Variants in RARB observed in about 807,000 individuals in gnomAD.
RARB encodes retinoic acid receptor beta, also known as HBV-activated protein.
RARB carries 17 observed loss-of-function variants against 51.9 expected under a neutral mutation model. The ratio of observed to expected loss-of-function variants is 0.33; its 90% CI spans 0.22 to 0.49. RARB has a LOEUF of 0.49. RARB is among the 20% of genes least tolerant of loss of function. RARB has a pLI of 0.99. For synonymous variants in RARB, 215 were observed against 195.4 expected (o/e 1.10, Z -0.84); for missense variants, 369 against 550.8 (o/e 0.67, Z 3.30).
At chr3:25,336,265 T>G (rs190163934) in intron 5 of RARB, among the ~76,000 whole-genome samples, 199 of 152,324 alleles carry the variant, frequency 1.3e-3, no homozygotes, top group African/African-American at 4.6e-3. Flanking sequence ...CACCTTTTCT[T>G]TTAGAGATAT....
chr3:25,170,824 G>T (rs1700631939), intron 4 of RARB, among the ~76,000 whole-genome samples: 1 of 151,968 alleles, frequency 6.6e-6, no homozygotes, highest in East Asian at 1.9e-4. Flanking sequence ...AAATTATTTT[G>T]TTAATAAGAT....
At chr3:25,365,363 C>T (rs1246587135) in intron 5 of RARB, among the ~76,000 whole-genome samples, 5 of 151,854 alleles carry the variant, frequency 3.3e-5, no homozygotes, top group Non-Finnish European at 5.9e-5. Flanking sequence ...CCTCCTGCCT[C>T]GGCCTCTCAA....
At chr3:24,917,245 C>A (rs1002135083) in intron 2 of RARB, among the ~76,000 whole-genome samples, 7 of 152,012 alleles carry the variant, frequency 4.6e-5, no homozygotes, top group Non-Finnish European at 1.0e-4. Flanking sequence ...TAGAAAAAAA[C>A]TTCATGACCT....
intron 2 of RARB, among the ~76,000 whole-genome samples, chr3:24,873,071 T>G (rs1702977075): frequency 6.6e-6 from 1 of 152,216 alleles, no homozygotes; most frequent in African/African-American, 2.4e-5. Context: ...AGACAATACA[T>G]TTTTTAAAAA....
chr3:25,056,678 A>G (rs762322530), intron 2 of RARB, among the ~76,000 whole-genome samples: 24 of 152,126 alleles, frequency 1.6e-4, no homozygotes, highest in African/African-American at 2.7e-4. Context: ...ATGTATCTCA[A>G]TGTATCATAT....
chr3:25,533,764 T>A (rs1699021142), intron 3 of RARB, among the ~76,000 whole-genome samples: 1 of 152,206 alleles, frequency 6.6e-6, no homozygotes, highest in Non-Finnish European at 1.5e-5. Flanking sequence ...AAGTTTAAGT[T>A]TAAAGCAGGG....
chr3:24,984,504 T>G (rs1696745321), intron 2 of RARB, among the ~76,000 whole-genome samples: 1 of 152,214 alleles, frequency 6.6e-6, no homozygotes, highest in South Asian at 2.1e-4. Flanking sequence ...ATTCTTTAAA[T>G]TATTTCTTTT....
chr3:25,101,324 A>T (rs1225951577), intron 3 of RARB, among the ~76,000 whole-genome samples: 1 of 152,212 alleles, frequency 6.6e-6, no homozygotes, highest in African/African-American at 2.4e-5. Flanking sequence ...GAAAAGAAAA[A>T]AAGTAATAAA....
chr3:25,508,566 T>C (rs1482467369), intron 3 of RARB, among the ~76,000 whole-genome samples: 1 of 152,308 alleles, frequency 6.6e-6, no homozygotes, highest in Admixed American at 6.5e-5. Flanking sequence ...GTTGGGAAAT[T>C]ACATAAAAAT....
intron 5 of RARB, among the ~76,000 whole-genome samples, chr3:25,316,699 A>G (rs549925635): frequency 1.3e-5 from 2 of 152,348 alleles, no homozygotes; most frequent in South Asian, 4.1e-4. Flanking sequence ...GTTGACAGTA[A>G]AAGGAAAAGA....
At chr3:24,988,591 T>A (rs975200955) in intron 2 of RARB, among the ~76,000 whole-genome samples, 7 of 151,858 alleles carry the variant, frequency 4.6e-5, no homozygotes, top group Admixed American at 1.3e-4. Flanking sequence ...GTATAGATTA[T>A]AAAAAAAATA....
chr3:25,336,531 A>G (rs1199609637), intron 5 of RARB, among the ~76,000 whole-genome samples: 1 of 152,178 alleles, frequency 6.6e-6, no homozygotes, highest in African/African-American at 2.4e-5. Context: ...ACTTCTCTGT[A>G]ACACAACTTC....
At chr3:24,975,746 T>C (rs550439208) in intron 2 of RARB, among the ~76,000 whole-genome samples, 47 of 150,808 alleles carry the variant, frequency 3.1e-4, no homozygotes, top group East Asian at 1.2e-3. Flanking sequence ...TAAATTTTCT[T>C]CTTTTTTGGG....
chr3:25,270,813 G>A (rs897679070), intron 5 of RARB, among the ~76,000 whole-genome samples: 2 of 152,198 alleles, frequency 1.3e-5, no homozygotes, highest in African/African-American at 2.4e-5. Flanking sequence ...GTAACAGGTT[G>A]GTGCAAAGGT....
intron 2 of RARB, among the ~76,000 whole-genome samples, chr3:24,998,051 T>C (rs140423823): frequency 9.2e-5 from 14 of 152,310 alleles, no homozygotes; most frequent in Admixed American, 9.2e-4. Flanking sequence ...TACATTCTTT[T>C]GGGTTTTATA....
chr3:25,460,391 G>A (rs577481520), intron 1 of RARB, among the ~76,000 whole-genome samples: 1 of 151,314 alleles, frequency 6.6e-6, no homozygotes, highest in East Asian at 1.9e-4. Flanking sequence ...AATAATTTGG[G>A]CATTTTCTTC....
chr3:25,510,372 C>G (rs1352044215), intron 3 of RARB, among the ~76,000 whole-genome samples: 1 of 152,162 alleles, frequency 6.6e-6, no homozygotes, highest in African/African-American at 2.4e-5. Flanking sequence ...ACCTGTAATC[C>G]CAGCACTTTG....
chr3:24,988,075 G>A (rs1209712280), intron 2 of RARB, among the ~76,000 whole-genome samples: 1 of 152,024 alleles, frequency 6.6e-6, no homozygotes, highest in Admixed American at 6.5e-5. Context: ...TGAAACGCTT[G>A]CTAGATGTAA....
chr3:25,358,903 G>A (rs548707593), intron 5 of RARB, among the ~76,000 whole-genome samples: 104 of 151,690 alleles, frequency 6.9e-4, no homozygotes, highest in African/African-American at 2.0e-3. Context: ...GAGGATTTTC[G>A]CATTGATGTT....
Sources: gnomAD v4.1 joint callset for allele counts (sites outside exome capture counted in the v4.1 genomes callset) on GRCh38, gnomAD v4.1.1 for gene constraint, MANE v1.5 for transcripts, NCBI Gene and HGNC (gene_info 2026-07-23, HGNC 2026-07-21) for gene names.